Variants in KCNIP4 observed in about 807,000 individuals in gnomAD.
The protein encoded by KCNIP4 is Kv channel-interacting protein 4.
A neutral mutation model predicts 34.0 loss-of-function variants in KCNIP4; 12 were observed. The ratio of observed to expected loss-of-function variants is 0.35; its 90% CI spans 0.23 to 0.57. The LOEUF (loss-of-function observed/expected upper bound fraction) is 0.57, where lower values mean the gene tolerates loss of function less well. Ranked by LOEUF, KCNIP4 falls within the 20% of genes least tolerant of loss-of-function variation. KCNIP4 has a pLI of 0.83. For missense variants in KCNIP4, 238 were observed against 311.7 expected, an observed-to-expected ratio of 0.76 and a Z score of 1.78; for synonymous variants, 124 against 102.2, an observed-to-expected ratio of 1.21 and a Z score of -1.29.
At chr4:21,568,144 T>A (rs909084549) in intron 1 of KCNIP4, among the ~76,000 whole-genome samples, 1 of 152,114 alleles carries the variant, frequency 6.6e-6, no homozygotes, top group African/African-American at 2.4e-5. Flanking sequence ...TATGGTAGAC[T>A]TGTGTGAACT....
rs187831344 is a variant in KCNIP4 at position 21,882,992 on chromosome 4, G to A, written c.61+65579C>T. On this transcript the variant is annotated intron_variant, in intron 1 of 8. Coordinates refer to ENST00000382152, the MANE Select transcript of KCNIP4 (RefSeq NM_025221.6). ...CACTTAAATTCCATGTAGTTATTTA[G>A]AATCTGGAAATAAAATTAAAATGTA... Among the ~76,000 whole-genome samples, 1,324 of 152,044 alleles carry A rather than the reference G, an allele frequency of 8.7e-3. 15 individuals are homozygous for A. Among genetic ancestry groups the A allele is most frequent in the South Asian group, 0.034 (164 of 4,818 alleles).
At chr4:21,014,331 G>C (rs1005595017) in intron 1 of KCNIP4, among the ~76,000 whole-genome samples, 1 of 152,090 alleles carries the variant, frequency 6.6e-6, no homozygotes, top group Non-Finnish European at 1.5e-5. Context: ...ACTCTGTCAA[G>C]TCCTTTTCAC....
At chr4:21,906,511 G>A (rs1386992193) in intron 1 of KCNIP4, among the ~76,000 whole-genome samples, 1 of 152,146 alleles carries the variant, frequency 6.6e-6, no homozygotes, top group East Asian at 1.9e-4. Context: ...GAGGATCCTG[G>A]CCCTTCAGAG....
chr4:21,814,544 T>C (rs1721875717), intron 1 of KCNIP4, among the ~76,000 whole-genome samples: 1 of 152,150 alleles, frequency 6.6e-6, no homozygotes, highest in Admixed American at 6.5e-5. Flanking sequence ...TGTGAAACTG[T>C]AAGTCAATTA....
chr4:21,475,159 T>C (rs1461627542), intron 1 of KCNIP4, among the ~76,000 whole-genome samples: 1 of 152,208 alleles, frequency 6.6e-6, no homozygotes, highest in East Asian at 1.9e-4. Context: ...AACAGGCCAA[T>C]ATATTCTTTC....
chr4:21,044,062 C>T (rs1742203651), intron 1 of KCNIP4, among the ~76,000 whole-genome samples: 1 of 152,074 alleles, frequency 6.6e-6, no homozygotes, highest in Non-Finnish European at 1.5e-5. Context: ...ACTTATCAAA[C>T]ATCTGAACAT....
chr4:21,283,854 A>G (rs1262838106), intron 1 of KCNIP4, among the ~76,000 whole-genome samples: 3 of 152,106 alleles, frequency 2.0e-5, no homozygotes, highest in Non-Finnish European at 4.4e-5. Flanking sequence ...ACACACAAAA[A>G]AAATAAAAAT....
chr4:21,786,463 CAG>C (rs1385928331), intron 1 of KCNIP4, among the ~76,000 whole-genome samples: 9 of 152,172 alleles, frequency 5.9e-5, no homozygotes, highest in Non-Finnish European at 1.2e-4. Context: ...CAAGTACTCC[CAG>C]AGAGTTTGGT....
At chr4:21,109,610 G>C (rs1270197728) in intron 1 of KCNIP4, among the ~76,000 whole-genome samples, 1 of 152,182 alleles carries the variant, frequency 6.6e-6, no homozygotes, top group Admixed American at 6.5e-5. Context: ...TGCACCCACT[G>C]TCCTGCACCC....
At chr4:21,062,679 T>C (rs528020071) in intron 1 of KCNIP4, among the ~76,000 whole-genome samples, 10 of 152,250 alleles carry the variant, frequency 6.6e-5, no homozygotes, top group African/African-American at 2.4e-4. Flanking sequence ...TGTTTGACCC[T>C]GAAGCCCTGA....
chr4:21,482,399 C>G (rs1393041861), intron 1 of KCNIP4, among the ~76,000 whole-genome samples: 1 of 152,146 alleles, frequency 6.6e-6, no homozygotes, highest in Non-Finnish European at 1.5e-5. Context: ...GCAGTTTCTT[C>G]CTAGCCTTGA....
chr4:21,137,943 C>G (rs1348445632), intron 1 of KCNIP4, among the ~76,000 whole-genome samples: 1 of 142,078 alleles, frequency 7.0e-6, no homozygotes, highest in Non-Finnish European at 1.5e-5. Flanking sequence ...ATGACCTCAG[C>G]TCACTGCAAC....
chr4:21,038,079 G>A (rs1377559687), intron 1 of KCNIP4, among the ~76,000 whole-genome samples: 1 of 152,196 alleles, frequency 6.6e-6, no homozygotes, highest in African/African-American at 2.4e-5. Context: ...CCTTGTTCAA[G>A]TGATTCTCCT....
chr4:20,869,662 G>A (rs948949325), intron 2 of KCNIP4, among the ~76,000 whole-genome samples: 1 of 151,654 alleles, frequency 6.6e-6, no homozygotes, highest in African/African-American at 2.4e-5. Flanking sequence ...TATAAACTGG[G>A]GATAATATTT....
intron 2 of KCNIP4, among the ~76,000 whole-genome samples, chr4:20,862,167 G>A (rs1051806614): frequency 1.3e-5 from 2 of 151,592 alleles, no homozygotes; most frequent in African/African-American, 4.8e-5. Context: ...ATTTTTGTAT[G>A]TTTAGTAGAG....
intron 1 of KCNIP4, among the ~76,000 whole-genome samples, chr4:21,194,230 T>G (rs1326837714): frequency 6.6e-6 from 1 of 152,186 alleles, no homozygotes; most frequent in Non-Finnish European, 1.5e-5. Flanking sequence ...CAATTATGGT[T>G]TTCTCCTCAA....
At chr4:20,983,203 C>T (rs1419881140) in intron 1 of KCNIP4, among the ~76,000 whole-genome samples, 1 of 152,114 alleles carries the variant, frequency 6.6e-6, no homozygotes, top group Non-Finnish European at 1.5e-5. Flanking sequence ...AGCAACAGTC[C>T]TGTCTCGTGT....
intron 1 of KCNIP4, among the ~76,000 whole-genome samples, chr4:21,734,314 C>G (rs563410666): frequency 6.6e-6 from 1 of 152,108 alleles, no homozygotes; most frequent in African/African-American, 2.4e-5. Context: ...GGAAGACAAA[C>G]GTGACTCAGT....
In KCNIP4 at chr4:20,850,536, T is replaced by C; in HGVS notation, c.288+7A>G. 2 of 1,611,662 alleles carry C rather than the reference T, an allele frequency of 1.2e-6. No individual in the cohort carries two copies. Among genetic ancestry groups the C allele is most frequent in the Admixed American group, 1.7e-5 (1 of 59,856 alleles). Reference sequence around the variant, plus strand: ...TGTGAAGGTAAAGTCAAAAAGAAAGTTCTTACATTCTTAAATCCTCTGTAA... The same window carrying C: ...TGTGAAGGTAAAGTCAAAAAGAAAGCTCTTACATTCTTAAATCCTCTGTAA... On this transcript the variant is annotated splice_region_variant and intron_variant, in intron 3 of 8. Transcript: ENST00000382152.
Sources: allele counts gnomAD v4.1 joint callset (sites outside exome capture counted in the v4.1 genomes callset), GRCh38; gene constraint gnomAD v4.1.1; transcripts MANE v1.5; gene names NCBI Gene and HGNC (gene_info 2026-07-23, HGNC 2026-07-21).